COL4A4: variants seen among roughly 807,000 people sequenced by gnomAD.
COL4A4 encodes collagen alpha-4(IV) chain.
Under a neutral mutation model 192.9 loss-of-function variants are expected in COL4A4, and 105 were observed. That is an observed-to-expected ratio of 0.54 (90% CI 0.46 to 0.64). The LOEUF (loss-of-function observed/expected upper bound fraction) is 0.64. COL4A4 is among the 30% of genes least tolerant of loss of function. The pLI, the probability that COL4A4 is intolerant of heterozygous loss-of-function variation, is 0.00. For synonymous variants in COL4A4, 762 were observed against 769.9 expected, an observed-to-expected ratio of 0.99 and a Z score of 0.17; for missense variants, 1,967 against 2,169.3, an observed-to-expected ratio of 0.91 and a Z score of 1.85.
At chr2:227,108,443 G>C (rs977580721) in intron 12 of COL4A4, 138 bp downstream of exon 12, 15 of 799,534 alleles carry the variant, frequency 1.9e-5, no homozygotes, top group African/African-American at 3.4e-5. Context: ...ATAATAATTC[G>C]GCAAAGAAAA....
chr2:227,157,563 C>T (rs866882838), intron 1 of COL4A4, among the ~76,000 whole-genome samples: 48 of 151,680 alleles, frequency 3.2e-4, no homozygotes, highest in Middle Eastern at 6.8e-3. Flanking sequence ...TTAAAAATGA[C>T]AATATGACAG....
rs1559489212 is a variant in COL4A4, at chr2:227,045,925, ATG to A, written c.3289+1548_3289+1549del. Among the ~76,000 whole-genome samples, 235 of 40,520 alleles carry A rather than the reference ATG, an allele frequency of 5.8e-3. 17 individuals carry two copies. Among genetic ancestry groups the A allele is most frequent in the African/African-American group, 0.014 (91 of 6,630 alleles). 26.6% of individuals were successfully genotyped at this position (40,520 alleles called of 152,430 possible). ...AGTATATATATGTATGTATATGTAT[ATG>A]TATATATGTATATATGTATATATGT... On this transcript the variant is annotated intron_variant, in intron 35 of 47. Coordinates refer to ENST00000396625, the MANE Select transcript of COL4A4 (RefSeq NM_000092.5).
chr2:227,013,051 C>T (rs181820284), intron 44 of COL4A4, among the ~76,000 whole-genome samples: 31 of 152,298 alleles, frequency 2.0e-4, no homozygotes, highest in Non-Finnish European at 2.6e-4. Context: ...CTGGATATAA[C>T]CTGGGGGACT....
At chr2:227,068,354 C>A (rs984271472) in intron 25 of COL4A4, among the ~76,000 whole-genome samples, 1 of 152,278 alleles carries the variant, frequency 6.6e-6, no homozygotes, top group Admixed American at 6.5e-5. Context: ...GGGAATCCTC[C>A]CTAACTCATT....
intron 19 of COL4A4, 68 bp downstream of exon 19, chr2:227,098,626 C>T: frequency 8.4e-7 from 1 of 1,183,720 alleles, no homozygotes. Context: ...CAGTTGAAAG[C>T]TACTGGTGCT....
rs202210475 is a variant in COL4A4, at chr2:227,089,892, C to G, written c.1435G>C (p.Gly479Arg). 362 of 1,613,664 alleles carry G rather than the reference C, an allele frequency of 2.2e-4. 1 individual carries two copies. The highest frequency in any genetic ancestry group is 2.3e-4 in the Admixed American group (14 of 59,990). Reference protein sequence around the residue: ...GIKGKVGPPGGRGPKGEKGNE... With the variant: ...GIKGKVGPPGRRGPKGEKGNE... ...CCTTTTTCTCCTTTTGGGCCTCTTC[C>G]TCCTGGGGGACCAACTTTGCCTTTT... Residue 479 changes from glycine (G) to arginine (R), a missense_variant, in exon 21 of 48, where the codon GGA (glycine) becomes CGA (arginine). By Grantham distance (125) the Gly-to-Arg change is moderately radical. Transcript: ENST00000396625.
At chr2:227,091,922 G>GAAAGAAAAGAAAAGA (rs1553674153) in intron 20 of COL4A4, among the ~76,000 whole-genome samples, 2 of 60,292 alleles carry the variant, frequency 3.3e-5, no homozygotes, top group African/African-American at 8.8e-5. Context: ...AAGAAAGAAA[G>GAAAGAAAAGAAAAGA]AAAGAAAAGA....
At chr2:227,128,417 A>G (rs565497404) in intron 4 of COL4A4, among the ~76,000 whole-genome samples, 55 of 152,158 alleles carry the variant, frequency 3.6e-4, no homozygotes, top group Non-Finnish European at 6.8e-4. Flanking sequence ...GTGGTTCTCA[A>G]ATTTAACTTT....
At chr2:226,971,369 G>A in the COL4A4 span, among the ~76,000 whole-genome samples, 179 of 152,276 alleles carry the variant, frequency 1.2e-3, 1 homozygote, top group African/African-American at 3.9e-3. Context: ...AACCCTTAGC[G>A]GGCTCATTTC....
At chr2:227,031,834 G>C in intron 40 of COL4A4, 111 bp downstream of exon 40, 1 of 822,328 alleles carries the variant, frequency 1.2e-6, no homozygotes. Context: ...CAAGCTGATG[G>C]GGGGCTGCTT....
chr2:227,058,644 G>C, intron 28 of COL4A4, among the ~76,000 whole-genome samples: 1 of 152,210 alleles, frequency 6.6e-6, no homozygotes, highest in South Asian at 2.1e-4. Flanking sequence ...GTAAACATCT[G>C]ATCTGTGGTT....
At chr2:227,057,728 A>G in intron 28 of COL4A4, 128 bp from the exon 29 acceptor site, 1 of 985,186 alleles carries the variant, frequency 1.0e-6, no homozygotes, top group Admixed American at 2.0e-5. Flanking sequence ...CAAATGGGTT[A>G]AGTCTTTGAG....
At chr2:226,971,208 TG>T in the COL4A4 span, among the ~76,000 whole-genome samples, 3 of 152,206 alleles carry the variant, frequency 2.0e-5, no homozygotes, top group African/African-American at 7.2e-5. Flanking sequence ...CATTCACTCC[TG>T]TTTCCCTCCT....
rs7602059 is a variant in COL4A4, at chr2:227,103,837, A to C, written c.816+135T>G. The C allele has an allele frequency of 0.64, 472,285 of 734,198 alleles. 152,879 individuals are homozygous for C. Among genetic ancestry groups the C allele is most frequent in the African/African-American group, 0.68 (39,334 of 57,558 alleles). 45.5% of individuals were successfully genotyped at this position (734,198 alleles called of 1,614,324 possible). On this transcript the variant is annotated intron_variant, in intron 13 of 47. Transcript: ENST00000396625. ...GCCGCACGATGGGGCCAACAGTAGT[A>C]CCAACTTATTAAAGTAGGTTTGAAA...
chr2:227,110,434 A>T (rs954345975), intron 9 of COL4A4, among the ~76,000 whole-genome samples: 1 of 152,184 alleles, frequency 6.6e-6, no homozygotes, highest in Non-Finnish European at 1.5e-5. Flanking sequence ...CCCAGGCTGG[A>T]GTGCAGTGGT....
chr2:227,012,234 C>T lies in COL4A4; in HGVS notation c.4280G>A (p.Gly1427Glu). ...RGVDGVPGSP[G>E]PPGRKGDTGE... Reference sequence around the variant, plus strand: ...TGTGTCACCTTTACGTCCGGGAGGCCCAGGAGACCCAGGGACGCCATCCAC... The same window carrying T: ...TGTGTCACCTTTACGTCCGGGAGGCTCAGGAGACCCAGGGACGCCATCCAC... Residue 1427 changes from glycine to glutamate, a missense_variant, in exon 45 of 48, where the codon GGG becomes GAG. By Grantham distance (98) the Gly-to-Glu change is moderately conservative. Transcript: ENST00000396625. 6.2e-7 allele frequency: 1 copy of T among 1,614,102 alleles called. No homozygotes were observed. Among genetic ancestry groups the T allele is most frequent in the Non-Finnish European group, 8.5e-7 (1 of 1,179,998 alleles).
intron 6 of COL4A4, among the ~76,000 whole-genome samples, chr2:227,119,133 A>C (rs1477797274): frequency 6.6e-6 from 1 of 152,072 alleles, no homozygotes; most frequent in African/African-American, 2.4e-5. Flanking sequence ...CTCATCAGCA[A>C]ATAAAAACAT....
chr2:227,049,768 T>C lies in COL4A4; in HGVS notation c.3214+300A>G, dbSNP rs10190621. 0.45 allele frequency among the ~76,000 whole-genome samples: 67,853 copies of C among 152,086 alleles called. 15,564 individuals carry two copies. Among genetic ancestry groups the C allele is most frequent in the South Asian group, 0.63 (3,031 of 4,816 alleles). ...GCCCACTGACATGGATCTGTTCTCC[T>C]TGCAACTGAGCTGTTACTTGAGGGG... On this transcript the variant is annotated intron_variant, in intron 34 of 47. Transcript: ENST00000396625.
intron 19 of COL4A4, among the ~76,000 whole-genome samples, chr2:227,097,804 A>G (rs2060285421): frequency 6.6e-6 from 1 of 152,240 alleles, no homozygotes; most frequent in Non-Finnish European, 1.5e-5. Context: ...GGAAGATTAA[A>G]CAAGAGTTTT....
Sources: allele counts gnomAD v4.1 joint callset (sites outside exome capture counted in the v4.1 genomes callset), GRCh38; gene constraint gnomAD v4.1.1; transcripts MANE v1.5; gene names NCBI Gene and HGNC (gene_info 2026-07-23, HGNC 2026-07-21).